PRDM5: variants seen among roughly 807,000 people sequenced by gnomAD.
The protein encoded by PRDM5 is PR domain zinc finger protein 5.
PRDM5 carries 56 observed loss-of-function variants against 81.2 expected under a neutral mutation model. That is an observed-to-expected ratio of 0.69 (90% CI 0.56 to 0.86). The LOEUF is 0.86. Ranked by LOEUF, PRDM5 falls within the 40% of genes least tolerant of loss-of-function variation. The probability of loss-of-function intolerance (pLI) is 0.00; values close to 1 mark genes in which losing one functional copy is unlikely to be tolerated. For synonymous variants in PRDM5, 267 were observed against 256.4 expected (o/e 1.04, Z -0.39); for missense variants, 697 against 770.1 (o/e 0.91, Z 1.12).
chr4:120,847,881 T>C (rs953316130), intron 3 of PRDM5, among the ~76,000 whole-genome samples: 6 of 152,168 alleles, frequency 3.9e-5, no homozygotes, highest in African/African-American at 1.4e-4. Flanking sequence ...TGGTCTTCAA[T>C]AGAAGTAGAA....
intron 14 of PRDM5, among the ~76,000 whole-genome samples, chr4:120,724,641 TA>T (rs1560983125): frequency 6.6e-6 from 1 of 152,126 alleles, no homozygotes; most frequent in Admixed American, 6.5e-5. Flanking sequence ...AATAAAACCA[TA>T]AAGTTTATTC....
intron 7 of PRDM5, 102 bp downstream of exon 7, chr4:120,816,351 T>G (rs1754486346): frequency 6.3e-7 from 1 of 1,592,766 alleles, no homozygotes; most frequent in African/African-American, 1.3e-5. Flanking sequence ...TGAAACACAA[T>G]GGAAAAGCCA....
At chr4:120,842,565 T>A (rs964956733) in intron 3 of PRDM5, among the ~76,000 whole-genome samples, 1 of 152,218 alleles carries the variant, frequency 6.6e-6, no homozygotes, top group African/African-American at 2.4e-5. Flanking sequence ...GTGATAGAGA[T>A]GACAACATAA....
At chr4:120,862,809 G>T (rs73843633) in intron 2 of PRDM5, among the ~76,000 whole-genome samples, 3 of 152,156 alleles carry the variant, frequency 2.0e-5, no homozygotes, top group African/African-American at 7.2e-5. Context: ...ATGTTTAATG[G>T]GCTTCCTTGT....
intron 14 of PRDM5, among the ~76,000 whole-genome samples, chr4:120,746,427 A>G (rs1423020912): frequency 4.1e-5 from 6 of 146,970 alleles, no homozygotes; most frequent in Admixed American, 3.5e-4. Flanking sequence ...GCCAAAATGG[A>G]CAAATGGGAT....
chr4:120,868,636 C>T (rs1761459599), intron 2 of PRDM5, among the ~76,000 whole-genome samples: 1 of 152,110 alleles, frequency 6.6e-6, no homozygotes, highest in Non-Finnish European at 1.5e-5. Context: ...TGCAATGCCA[C>T]AGAATTAAAG....
chr4:120,879,865 G>A (rs1762674333), intron 2 of PRDM5, among the ~76,000 whole-genome samples: 1 of 152,050 alleles, frequency 6.6e-6, no homozygotes, highest in Non-Finnish European at 1.5e-5. Context: ...CTGGGCACTG[G>A]GGTGAAGGAG....
Position 120,731,263 on chromosome 4 carries a change from G to A in PRDM5, c.1624-20850C>T, listed in dbSNP as rs1445261308. The stretch of plus-strand genomic sequence containing the variant: ...CCAAAAGAGCTCAGTGCAGTGCAAT[G>A]TACAACAAGTGATGATAGCACAGAG... On this transcript the variant is annotated intron_variant, in intron 14 of 15. Transcript: ENST00000264808. Among the ~76,000 whole-genome samples, 3 of 152,064 alleles carry A rather than the reference G, an allele frequency of 2.0e-5. No individual in the cohort carries two copies. The East Asian group carries it at 5.8e-4, about 29-fold the overall frequency.
rs1734184020 is a variant in PRDM5 at position 120,693,137 on chromosome 4, A to T, written c.*1974T>A. The T allele has an allele frequency of 6.6e-6, 1 of 152,110 alleles. No individual in the cohort carries two copies. Among genetic ancestry groups the T allele is most frequent in the African/African-American group, 2.4e-5 (1 of 41,430 alleles). 9.4% of individuals were successfully genotyped at this position (152,110 alleles called of 1,614,324 possible). A position where few individuals can be genotyped will look rare whatever the true frequency, so the allele number is the denominator to read the frequency against. On this transcript the variant is annotated 3_prime_UTR_variant, in exon 16 of 16. Transcript: ENST00000264808. ...TGCCTGTCTGTTTACTCCACAGCAT[A>T]GCGACACCACAGTTTTCAGGGTAAT...
At chr4:120,902,275 G>T (rs904862965) in intron 2 of PRDM5, among the ~76,000 whole-genome samples, 5 of 152,204 alleles carry the variant, frequency 3.3e-5, no homozygotes, top group Non-Finnish European at 5.9e-5. Context: ...AAAATGTAAA[G>T]TTATATGCTG....
intron 13 of PRDM5, among the ~76,000 whole-genome samples, chr4:120,771,926 C>A (rs182533466): frequency 6.6e-6 from 1 of 152,282 alleles, no homozygotes. Flanking sequence ...CTACTATGAA[C>A]TAGCACTGAG....
At chr4:120,724,740 C>T (rs541885954) in intron 14 of PRDM5, among the ~76,000 whole-genome samples, 11 of 152,252 alleles carry the variant, frequency 7.2e-5, no homozygotes, top group Middle Eastern at 3.4e-3. Flanking sequence ...TATCCCATTA[C>T]ACAATTTTGA....
chr4:120,824,055 C>T (rs545178860), intron 3 of PRDM5, among the ~76,000 whole-genome samples: 2 of 152,160 alleles, frequency 1.3e-5, no homozygotes, highest in African/African-American at 4.8e-5. Flanking sequence ...GAAGCCATCA[C>T]CAGAAGCAGA....
At chr4:120,921,924 C>T (rs1724979484) in intron 1 of PRDM5, among the ~76,000 whole-genome samples, 1 of 152,170 alleles carries the variant, frequency 6.6e-6, no homozygotes, top group African/African-American at 2.4e-5. Context: ...TGGTTGGCAC[C>T]TCCCTGAAGG....
intron 1 of PRDM5, among the ~76,000 whole-genome samples, chr4:120,921,315 C>A (rs1195920808): frequency 6.6e-6 from 1 of 152,236 alleles, no homozygotes; most frequent in East Asian, 1.9e-4. Flanking sequence ...CAATACACCT[C>A]TAATTCAGAT....
intron 15 of PRDM5, among the ~76,000 whole-genome samples, chr4:120,699,863 T>C (rs1349826981): frequency 6.6e-6 from 1 of 151,974 alleles, no homozygotes; most frequent in Non-Finnish European, 1.5e-5. Flanking sequence ...ACAGACTCAA[T>C]GCCATTACTA....
At chr4:120,781,033 G>T (rs1161755397) in intron 12 of PRDM5, 110 bp downstream of exon 12, 2 of 964,080 alleles carry the variant, frequency 2.1e-6, no homozygotes, top group African/African-American at 3.3e-5. Context: ...TTGTCATTTT[G>T]AGTAAATATT....
At chr4:120,851,556 G>A (rs571645433) in intron 3 of PRDM5, among the ~76,000 whole-genome samples, 1 of 151,708 alleles carries the variant, frequency 6.6e-6, no homozygotes, top group African/African-American at 2.4e-5. Context: ...ATCCCCGGCT[G>A]CCAGAGATCC....
intron 10 of PRDM5, among the ~76,000 whole-genome samples, chr4:120,791,276 C>CA (rs992689951): frequency 5.9e-4 from 89 of 151,548 alleles, no homozygotes; most frequent in African/African-American, 2.0e-3. Context: ...GCAGTGGTTA[C>CA]AAAAAAAATG....
Sources: allele counts gnomAD v4.1 joint callset (sites outside exome capture counted in the v4.1 genomes callset), GRCh38; gene constraint gnomAD v4.1.1; transcripts MANE v1.5; gene names NCBI Gene and HGNC (gene_info 2026-07-23, HGNC 2026-07-21).